PARD3B: variants seen among roughly 807,000 people sequenced by gnomAD.
The protein encoded by PARD3B is partitioning defective 3 homolog B.
A neutral mutation model predicts 130.2 loss-of-function variants in PARD3B; 103 were observed. The ratio of observed to expected loss-of-function variants is 0.79; its 90% confidence interval spans 0.67 to 0.93. The LOEUF (loss-of-function observed/expected upper bound fraction) is 0.93. PARD3B is among the 40% of genes least tolerant of loss of function. The probability of loss-of-function intolerance (pLI) is 0.00; values close to 1 mark genes in which losing one functional copy is unlikely to be tolerated. For synonymous variants in PARD3B, 583 were observed against 553.2 expected, an observed-to-expected ratio of 1.05 and a Z score of -0.76; for missense variants, 1,609 against 1,499.2, an observed-to-expected ratio of 1.07 and a Z score of -1.21.
At chr2:204,895,925 TAGAC>T (rs2046625798) in intron 2 of PARD3B, among the ~76,000 whole-genome samples, 2 of 152,168 alleles carry the variant, frequency 1.3e-5, no homozygotes, top group Admixed American at 6.5e-5. Flanking sequence ...TCTGAAAAGG[TAGAC>T]AGGATATAAA....
In PARD3B at chr2:204,662,952, C is replaced by T. The variant is rs376336710; in HGVS notation, c.121-23229C>T. 7.9e-5 allele frequency among the ~76,000 whole-genome samples: 12 copies of T among 152,236 alleles called. No individual in the cohort carries two copies. The East Asian group carries it at 1.9e-3, about 24-fold the overall frequency. ...GTTCTATTACATATTTTCCAAATGC[C>T]TGGTTTGCATTATCAGATTTACTCT... On this transcript the variant is annotated intron_variant, in intron 1 of 22. Transcript: ENST00000406610.
intron 20 of PARD3B, among the ~76,000 whole-genome samples, chr2:205,459,062 T>C (rs1575075107): frequency 6.6e-6 from 1 of 152,168 alleles, no homozygotes; most frequent in South Asian, 2.1e-4. Context: ...CCCATCCCTG[T>C]GAGAATGTCA....
At chr2:204,816,253 T>C (rs1215978471) in intron 2 of PARD3B, among the ~76,000 whole-genome samples, 1 of 151,982 alleles carries the variant, frequency 6.6e-6, no homozygotes, top group Non-Finnish European at 1.5e-5. Context: ...TCAAACAACA[T>C]TACTATTATT....
chr2:205,145,337 AAGAG>A lies in PARD3B; in HGVS notation c.1435-13383_1435-13380del, dbSNP rs556775280. Among the ~76,000 whole-genome samples the A allele has an allele frequency of 2.2e-3, 329 of 152,220 alleles. 3 individuals are homozygous for A. The highest frequency in any genetic ancestry group is 7.7e-3 in the African/African-American group (318 of 41,518). ...CCCTCCGCCGCCCCCGCAAAAAAAA[AAGAG>A]AAAAGAAATTTCTCATATGGAAATG... On this transcript the variant is annotated intron_variant, in intron 10 of 22. Coordinates refer to ENST00000406610, the MANE Select transcript of PARD3B (RefSeq NM_001302769.2).
intron 20 of PARD3B, among the ~76,000 whole-genome samples, chr2:205,482,901 T>C (rs566524323): frequency 5.9e-5 from 9 of 152,166 alleles, no homozygotes; most frequent in Non-Finnish European, 1.3e-4. Context: ...ATTTCTTTTT[T>C]TTTAAAGCTC....
At chr2:205,137,138 T>G (rs2032553284) in intron 10 of PARD3B, among the ~76,000 whole-genome samples, 1 of 152,156 alleles carries the variant, frequency 6.6e-6, no homozygotes, top group Non-Finnish European at 1.5e-5. Flanking sequence ...AGGAAGAGGT[T>G]AAGGGGCTAA....
chr2:205,603,075 G>A (rs184793464), intron 22 of PARD3B, among the ~76,000 whole-genome samples: 37 of 152,280 alleles, frequency 2.4e-4, no homozygotes, highest in Admixed American at 2.1e-3. Context: ...GTTCTCAGAG[G>A]TTTCAAAGAA....
At chr2:204,833,337 C>T (rs747654497) in intron 2 of PARD3B, among the ~76,000 whole-genome samples, 3 of 152,036 alleles carry the variant, frequency 2.0e-5, no homozygotes, top group African/African-American at 4.8e-5. Context: ...AAGAGTAGCC[C>T]CACATTTCTT....
At chr2:205,273,240 T>C (rs562648416) in intron 16 of PARD3B, among the ~76,000 whole-genome samples, 1 of 152,348 alleles carries the variant, frequency 6.6e-6, no homozygotes, top group South Asian at 2.1e-4. Flanking sequence ...ACTATTCATA[T>C]ATACAATCAA....
intron 22 of PARD3B, among the ~76,000 whole-genome samples, chr2:205,566,444 C>A (rs1410064423): frequency 6.6e-6 from 1 of 152,018 alleles, no homozygotes; most frequent in Non-Finnish European, 1.5e-5. Context: ...TGATGGATTG[C>A]ATGTGGGGGT....
chr2:205,488,721 A>G (rs1269488900), intron 20 of PARD3B, among the ~76,000 whole-genome samples: 1 of 152,202 alleles, frequency 6.6e-6, no homozygotes, highest in Non-Finnish European at 1.5e-5. Context: ...AAAGGTGCCT[A>G]GGAACTGACA....
intron 1 of PARD3B, among the ~76,000 whole-genome samples, chr2:204,681,732 A>G (rs2036844602): frequency 6.6e-6 from 1 of 152,142 alleles, no homozygotes; most frequent in Non-Finnish European, 1.5e-5. Context: ...CAGTCTGCAG[A>G]CATGCTCTGT....
At chr2:205,324,821 T>C (rs1187779274) in intron 18 of PARD3B, among the ~76,000 whole-genome samples, 4 of 152,272 alleles carry the variant, frequency 2.6e-5, no homozygotes. Flanking sequence ...TCTGGACTCA[T>C]AATACATGAT....
intron 18 of PARD3B, among the ~76,000 whole-genome samples, chr2:205,336,605 T>C (rs908963764): frequency 6.6e-6 from 1 of 152,244 alleles, no homozygotes; most frequent in African/African-American, 2.4e-5. Context: ...GACACATTCA[T>C]TTGTTCATGG....
chr2:205,305,811 G>T (rs2042165374), intron 18 of PARD3B, among the ~76,000 whole-genome samples: 1 of 152,068 alleles, frequency 6.6e-6, no homozygotes, highest in Admixed American at 6.6e-5. Flanking sequence ...ATGTAACATG[G>T]TTAGACCTGT....
chr2:205,345,261 A>T (rs1303537256), intron 18 of PARD3B, among the ~76,000 whole-genome samples: 1 of 152,188 alleles, frequency 6.6e-6, no homozygotes, highest in African/African-American at 2.4e-5. Flanking sequence ...GCCTTGGGGA[A>T]ATATGATTGG....
chr2:204,944,210 A>C (rs1689134821), intron 2 of PARD3B, among the ~76,000 whole-genome samples: 1 of 152,212 alleles, frequency 6.6e-6, no homozygotes. Context: ...GAAAAGGAGA[A>C]AGCAGGACAC....
At chr2:205,213,939 A>C (rs1422825531) in intron 15 of PARD3B, among the ~76,000 whole-genome samples, 2 of 152,122 alleles carry the variant, frequency 1.3e-5, no homozygotes, top group African/African-American at 4.8e-5. Context: ...CAATCACTTG[A>C]CATAATTGGT....
chr2:205,031,785 C>G (rs1416882773), intron 3 of PARD3B, among the ~76,000 whole-genome samples: 1 of 152,110 alleles, frequency 6.6e-6, no homozygotes, highest in Admixed American at 6.6e-5. Context: ...ATAAGTAGCT[C>G]AGATTCTGCT....
Sources: allele counts gnomAD v4.1 joint callset (sites outside exome capture counted in the v4.1 genomes callset), GRCh38; gene constraint gnomAD v4.1.1; transcripts MANE v1.5; gene names NCBI Gene and HGNC (gene_info 2026-07-23, HGNC 2026-07-21).